Variants in SYNPO2 observed in about 807,000 individuals in gnomAD.
The protein encoded by SYNPO2 is synaptopodin 2, also known as synaptopodin-2.
A neutral mutation model predicts 85.0 loss-of-function variants in SYNPO2; 56 were observed. The observed-to-expected ratio is 0.66, with a 90% CI of 0.53 to 0.82. The LOEUF (loss-of-function observed/expected upper bound fraction) is 0.82, where lower values mean the gene tolerates loss of function less well. Ranked by LOEUF, SYNPO2 falls within the 40% of genes least tolerant of loss-of-function variation. The probability of loss-of-function intolerance (pLI) is 0.00; values close to 1 mark genes in which losing one functional copy is unlikely to be tolerated. For missense variants in SYNPO2, 1,575 were observed against 1,534.2 expected, an observed-to-expected ratio of 1.03 and a Z score of -0.44; for synonymous variants, 602 against 591.1, an observed-to-expected ratio of 1.02 and a Z score of -0.27.
chr4:118,917,114 A>G (rs1207197018), intron 1 of SYNPO2, among the ~76,000 whole-genome samples: 1 of 152,170 alleles, frequency 6.6e-6, no homozygotes, highest in African/African-American at 2.4e-5. Context: ...GAAACAGGCC[A>G]GGCACAGTGG....
chr4:118,930,254 ATAAAG>A (rs1320789265), intron 1 of SYNPO2, among the ~76,000 whole-genome samples: 2 of 152,226 alleles, frequency 1.3e-5, no homozygotes, highest in African/African-American at 2.4e-5. Context: ...TAAGAGAGAA[ATAAAG>A]TAACTTGTAA....
intron 1 of SYNPO2, among the ~76,000 whole-genome samples, chr4:118,920,406 G>A (rs1310528041): frequency 3.9e-5 from 6 of 152,108 alleles, no homozygotes; most frequent in Non-Finnish European, 7.4e-5. Flanking sequence ...AGTCATTGGA[G>A]TGAGTGAGAT....
At position 119,012,331 on chromosome 4, in the gene SYNPO2, A is replaced by G. The variant is rs1400575897; in HGVS notation, c.106-11099A>G. ...TTAGCCTGAATTGGTTGTTGGTTTT[A>G]GTCTTGCTCTTTTAGCACATGGTTC... On this transcript the variant is annotated intron_variant, in intron 1 of 4. Transcript: ENST00000307142. Among the ~76,000 whole-genome samples the G allele has an allele frequency of 8.4e-5, 12 of 143,432 alleles. No individual in the cohort carries two copies. In the East Asian group the frequency reaches 2.5e-3, roughly 30 times the overall value. 94.1% of individuals were successfully genotyped at this position (143,432 alleles called of 152,430 possible).
intron 1 of SYNPO2, among the ~76,000 whole-genome samples, chr4:118,959,874 C>T (rs931768562): frequency 1.4e-5 from 2 of 140,758 alleles, no homozygotes; most frequent in African/African-American, 5.0e-5. Context: ...TGTTTGTGTC[C>T]TAATTCCTGG....
intron 1 of SYNPO2, chr4:118,850,967 T>C: frequency 2.5e-6 from 1 of 398,540 alleles, no homozygotes; most frequent in Non-Finnish European, 4.4e-6. Flanking sequence ...AGATGAATGG[T>C]GTCCTCTTTA....
At chr4:118,985,909 C>A (rs1334693579) in intron 1 of SYNPO2, among the ~76,000 whole-genome samples, 2 of 152,208 alleles carry the variant, frequency 1.3e-5, no homozygotes, top group Non-Finnish European at 2.9e-5. Context: ...TTAAGAGGAG[C>A]AGGATACGGG....
In SYNPO2 at chr4:119,031,993, A is replaced by G; in HGVS notation, c.3218A>G (p.Lys1073Arg). Residue 1073 changes from lysine to arginine, a missense_variant, in exon 4 of 5, where the codon AAG (lysine) becomes AGG (arginine). Physicochemically the swap from Lys to Arg is conservative, Grantham distance 26. Coordinates refer to ENST00000307142, the MANE Select transcript of SYNPO2 (RefSeq NM_133477.3). ...SSSYFVAPRP[K>R]FSAKKSGVTI... ...TCTTATTTTGTGGCACCAAGGCCAA[A>G]GTTCTCAGCCAAGAAAAGTGGTGTC... 1 of 1,614,228 alleles carries G rather than the reference A, an allele frequency of 6.2e-7. No individual in the cohort carries two copies. The highest frequency in any genetic ancestry group is 8.5e-7 in the Non-Finnish European group (1 of 1,180,048).
chr4:118,900,703 C>CTCTCTCTCTA (rs1277981772), intron 1 of SYNPO2, among the ~76,000 whole-genome samples: 43 of 43,886 alleles, frequency 9.8e-4, no homozygotes, highest in Admixed American at 2.3e-3. Flanking sequence ...CTCTCTCTCT[C>CTCTCTCTCTA]TATATATATA....
chr4:119,015,223 T>C (rs1299088202), intron 1 of SYNPO2, among the ~76,000 whole-genome samples: 1 of 152,130 alleles, frequency 6.6e-6, no homozygotes, highest in Admixed American at 6.6e-5. Context: ...ATCACATGAG[T>C]TAGTGACAGA....
intron 1 of SYNPO2, among the ~76,000 whole-genome samples, chr4:119,019,931 C>G (rs1019965239): frequency 6.6e-6 from 1 of 152,098 alleles, no homozygotes; most frequent in African/African-American, 2.4e-5. Context: ...ATTTTTGTGT[C>G]TAAATTTAGT....
intron 1 of SYNPO2, among the ~76,000 whole-genome samples, chr4:118,990,401 T>A (rs376470892): frequency 1.5e-4 from 23 of 152,230 alleles, no homozygotes; most frequent in African/African-American, 4.6e-4. Context: ...AATCAATAAG[T>A]CCCTTATTGA....
At chr4:118,949,013 AAT>A (rs1252714119) in intron 1 of SYNPO2, among the ~76,000 whole-genome samples, 3 of 152,138 alleles carry the variant, frequency 2.0e-5, no homozygotes, top group African/African-American at 2.4e-5. Flanking sequence ...GACAAATAAA[AAT>A]CTCTGAGTAG....
chr4:118,942,393 A>G (rs1218859030), intron 1 of SYNPO2, among the ~76,000 whole-genome samples: 1 of 152,194 alleles, frequency 6.6e-6, no homozygotes, highest in Admixed American at 6.5e-5. Flanking sequence ...GTATATGCTC[A>G]GTAAATATTG....
rs373985773 is a variant in SYNPO2, at chr4:119,026,903, G to A, written c.534G>A (p.Val178=). The A allele has an allele frequency of 1.4e-5, 22 of 1,614,042 alleles. No homozygotes were observed. The highest frequency in any genetic ancestry group is 3.4e-6 in the Non-Finnish European group (4 of 1,180,046). ...PQMPDSQRGR[V]AEELILREKV... is the part of the protein sequence containing the mutation. ...TGCCTGACTCCCAAAGAGGACGCGT[G>A]GCAGAAGAGCTGATCTTAAGGGAGA... The change falls in exon 3 of 5, where the codon GTG becomes GTA. Residue 178 remains valine (V), a synonymous_variant. Coordinates refer to ENST00000307142, the MANE Select transcript of SYNPO2 (RefSeq NM_133477.3).
At chr4:119,035,653 T>C (rs1018541248) in intron 4 of SYNPO2, 30 of 985,216 alleles carry the variant, frequency 3.0e-5, no homozygotes, top group Non-Finnish European at 3.6e-5. Context: ...ATTTTAGCCA[T>C]AGGAAAACCA....
intron 1 of SYNPO2, among the ~76,000 whole-genome samples, chr4:119,007,263 T>TATGTATATACATTTATATGTATATAC: frequency 1.3e-5 from 1 of 77,784 alleles, no homozygotes; most frequent in Admixed American, 1.5e-4. Flanking sequence ...CATATATATA[T>TATGTATATACATTTATATGTATATAC]ATATATATAT....
intron 1 of SYNPO2, among the ~76,000 whole-genome samples, chr4:118,994,619 G>C (rs75227068): frequency 0.083 from 12,658 of 152,216 alleles, 645 homozygotes; most frequent in East Asian, 0.12. Context: ...AAAAGGCTTT[G>C]TACCTAGCAT....
chr4:118,934,034 C>T (rs1410792769), intron 1 of SYNPO2, among the ~76,000 whole-genome samples: 3 of 152,110 alleles, frequency 2.0e-5, no homozygotes, highest in Non-Finnish European at 2.9e-5. Context: ...CTAGGATTTA[C>T]GTGATTCAGA....
intron 1 of SYNPO2, among the ~76,000 whole-genome samples, chr4:118,997,580 A>G (rs775355467): frequency 4.6e-5 from 7 of 152,224 alleles, no homozygotes; most frequent in Non-Finnish European, 1.0e-4. Flanking sequence ...TAGTAAAGCT[A>G]GATTTGTGAG....
Sources: gnomAD v4.1 joint callset for allele counts (sites outside exome capture counted in the v4.1 genomes callset) on GRCh38, gnomAD v4.1.1 for gene constraint, MANE v1.5 for transcripts, NCBI Gene and HGNC (gene_info 2026-07-23, HGNC 2026-07-21) for gene names.